SLC18A1: variants seen among roughly 807,000 people sequenced by gnomAD.
SLC18A1 encodes the protein solute carrier family 18 member A1, also known as chromaffin granule amine transporter.
Under a neutral mutation model 53.7 loss-of-function variants are expected in SLC18A1, and 69 were observed. That is an observed-to-expected ratio of 1.28 (90% CI 1.06 to 1.57). The LOEUF (loss-of-function observed/expected upper bound fraction) is 1.57, where lower values mean the gene tolerates loss of function less well. SLC18A1 is among the 40% of genes most tolerant of loss of function. SLC18A1 has a pLI of 0.00. For synonymous variants in SLC18A1, 320 were observed against 248.1 expected (o/e 1.29, Z -2.72); for missense variants, 932 against 668.1 (o/e 1.40, Z -4.35).
At chr8:20,182,658 C>T (rs1437880745) in intron 1 of SLC18A1, among the ~76,000 whole-genome samples, 2 of 152,246 alleles carry the variant, frequency 1.3e-5, no homozygotes, top group Admixed American at 1.3e-4. Flanking sequence ...CTGAGGTACT[C>T]TGTTCTAAGC....
chr8:20,162,652 C>G (rs1214942162), intron 10 of SLC18A1, among the ~76,000 whole-genome samples: 1 of 152,206 alleles, frequency 6.6e-6, no homozygotes, highest in Non-Finnish European at 1.5e-5. Flanking sequence ...AACTGTATAA[C>G]AAGGATGGCC....
Position 20,174,377 on chromosome 8 carries a change from T to C in SLC18A1, c.615A>G (p.Ser205=). The change falls in exon 5 of 16, where the codon TCA becomes TCG. Residue 205 remains serine, a synonymous_variant. Coordinates refer to ENST00000276373, the MANE Select transcript of SLC18A1 (RefSeq NM_003053.4). ...CAGTGTTACCTGCAACAGATGAAAA[T>C]GAAGATCCAATGCCTTGAAGGGTTC... The part of the protein sequence containing the change: ...VARTLQGIGS[S]FSSVAGLGML... 1 of 1,613,598 alleles carries C rather than the reference T, an allele frequency of 6.2e-7. No homozygotes were observed. The highest frequency in any genetic ancestry group is 8.5e-7 in the Non-Finnish European group (1 of 1,179,720).
At chr8:20,164,645 G>C (rs1486124822) in intron 10 of SLC18A1, among the ~76,000 whole-genome samples, 1 of 152,096 alleles carries the variant, frequency 6.6e-6, no homozygotes, top group African/African-American at 2.4e-5. Flanking sequence ...TACACAGCTA[G>C]GTATGTGACC....
At chr8:20,150,062 G>C (rs17489891) in intron 11 of SLC18A1, among the ~76,000 whole-genome samples, 10,535 of 152,216 alleles carry the variant, frequency 0.069, 471 homozygotes, top group Non-Finnish European at 0.099. Flanking sequence ...GCCCAGCTCA[G>C]ACTGCCTCCT....
At chr8:20,163,288 A>G (rs140278004) in intron 10 of SLC18A1, among the ~76,000 whole-genome samples, 1 of 152,306 alleles carries the variant, frequency 6.6e-6, no homozygotes, top group African/African-American at 2.4e-5. Context: ...CCATGATCTC[A>G]TCATCTCTCA....
intron 8 of SLC18A1, among the ~76,000 whole-genome samples, chr8:20,168,506 C>A (rs1275855050): frequency 6.6e-6 from 1 of 151,914 alleles, no homozygotes; most frequent in East Asian, 1.9e-4. Context: ...TTATTATATA[C>A]CTATTTGGTA....
At chr8:20,167,812 G>A (rs185115774) in intron 8 of SLC18A1, among the ~76,000 whole-genome samples, 11 of 151,748 alleles carry the variant, frequency 7.2e-5, no homozygotes, top group Non-Finnish European at 1.5e-4. Context: ...TAGTAGAGAC[G>A]GGATTTCACT....
chr8:20,179,019 A>G (rs1261352060), intron 3 of SLC18A1, 102 bp downstream of exon 3: 5 of 1,389,258 alleles, frequency 3.6e-6, no homozygotes, highest in African/African-American at 2.9e-5. Flanking sequence ...GAGGAATCAT[A>G]CAAGTGAGTA....
chr8:20,168,019 G>C (rs1219777962), intron 8 of SLC18A1, among the ~76,000 whole-genome samples: 1 of 152,080 alleles, frequency 6.6e-6, no homozygotes, highest in African/African-American at 2.4e-5. Context: ...CAAGATGAAC[G>C]TAGGACATAT....
At chr8:20,163,743 T>C (rs1207388271) in intron 10 of SLC18A1, among the ~76,000 whole-genome samples, 1 of 152,238 alleles carries the variant, frequency 6.6e-6, no homozygotes, top group African/African-American at 2.4e-5. Context: ...GATTCTGATG[T>C]AGTTGTTGGA....
chr8:20,164,792 T>G, intron 10 of SLC18A1, 77 bp downstream of exon 10: 1 of 1,076,758 alleles, frequency 9.3e-7, no homozygotes, highest in Non-Finnish European at 1.4e-6. Context: ...GTTGTCCCTG[T>G]GTGACATTGA....
At chr8:20,168,710 G>A (rs537533946) in intron 8 of SLC18A1, among the ~76,000 whole-genome samples, 9 of 152,116 alleles carry the variant, frequency 5.9e-5, no homozygotes, top group East Asian at 5.8e-4. Flanking sequence ...CTGGGATTAC[G>A]GTGTGCACCA....
At chr8:20,180,521 G>A (rs67342356) in intron 2 of SLC18A1, among the ~76,000 whole-genome samples, 42,743 of 152,002 alleles carry the variant, frequency 0.28, 6,759 homozygotes, top group Non-Finnish European at 0.36. Flanking sequence ...AGAGGCACTT[G>A]GAGTCATTAG....
intron 10 of SLC18A1, among the ~76,000 whole-genome samples, chr8:20,154,844 C>T (rs374582537): frequency 9.2e-5 from 14 of 152,288 alleles, no homozygotes; most frequent in East Asian, 5.8e-4. Context: ...CCGTCCACCA[C>T]GGCTGAGCGC....
chr8:20,159,634 CAAAAAA>C (rs200123466), intron 10 of SLC18A1, among the ~76,000 whole-genome samples: 10 of 81,530 alleles, frequency 1.2e-4, no homozygotes, highest in Middle Eastern at 9.4e-3. Context: ...TTGCAGCTGC[CAAAAAA>C]AAAAAAAAAA....
At chr8:20,149,202 T>A (rs1259178053) in intron 12 of SLC18A1, among the ~76,000 whole-genome samples, 1 of 152,086 alleles carries the variant, frequency 6.6e-6, no homozygotes, top group East Asian at 1.9e-4. Flanking sequence ...CCTTCTTTCT[T>A]TCTTCTTCTA....
chr8:20,183,095 G>A lies in SLC18A1; in HGVS notation c.-156C>T, dbSNP rs1461752816. 1 of 152,200 alleles carries A rather than the reference G, an allele frequency of 6.6e-6. No individual in the cohort carries two copies. The highest frequency in any genetic ancestry group is 1.5e-5 in the Non-Finnish European group (1 of 68,034). The allele number at this position is 152,200 out of a possible 1,614,324, so 9.4% of individuals were successfully genotyped here. On this transcript the variant is annotated 5_prime_UTR_variant, in exon 1 of 16. Transcript: ENST00000276373. Reference sequence around the variant, plus strand: ...CCCATGTTGGTGTGAGGCACTCAGTGAGGTATTGGCAGCTGTTAGCAAGAC... The same window carrying A: ...CCCATGTTGGTGTGAGGCACTCAGTAAGGTATTGGCAGCTGTTAGCAAGAC...
intron 6 of SLC18A1, among the ~76,000 whole-genome samples, chr8:20,171,764 CA>C (rs1264199345): frequency 6.6e-6 from 1 of 151,784 alleles, no homozygotes. Context: ...ATAATTAAAG[CA>C]TGGTGAAAGT....
intron 13 of SLC18A1, 46 bp from the exon 14 acceptor site, chr8:20,147,768 G>A (rs754862968): frequency 1.3e-6 from 2 of 1,591,962 alleles, no homozygotes; most frequent in East Asian, 2.3e-5. Flanking sequence ...CCCACAGTTA[G>A]TACCACCCCG....
Sources: gnomAD v4.1 joint callset for allele counts (sites outside exome capture counted in the v4.1 genomes callset) on GRCh38, gnomAD v4.1.1 for gene constraint, MANE v1.5 for transcripts, NCBI Gene and HGNC (gene_info 2026-07-23, HGNC 2026-07-21) for gene names.